STX2: variants seen among roughly 807,000 people sequenced by gnomAD.
STX2 encodes the protein syntaxin-2.
A neutral mutation model predicts 40.6 loss-of-function variants in STX2; 27 were observed. The observed-to-expected ratio is 0.66, with a 90% confidence interval of 0.49 to 0.92. The LOEUF is 0.92. Among genes scored for constraint, STX2 ranks in the 40% least tolerant of loss-of-function variants. STX2 has a pLI of 0.00. For synonymous variants in STX2, 123 were observed against 119.1 expected (o/e 1.03, Z -0.22); for missense variants, 328 against 366.1 (o/e 0.90, Z 0.85).
chr12:130,830,808 A>G (rs888813431), intron 1 of STX2, among the ~76,000 whole-genome samples: 1 of 152,250 alleles, frequency 6.6e-6, no homozygotes. Flanking sequence ...ACAGCTGTAC[A>G]ACAGCCATGA....
At chr12:130,794,625 T>C (rs559263748) in intron 10 of STX2, among the ~76,000 whole-genome samples, 1 of 152,226 alleles carries the variant, frequency 6.6e-6, no homozygotes, top group East Asian at 1.9e-4. Context: ...GCCTCTGGCG[T>C]AGCTGGGACT....
At chr12:130,832,506 T>C (rs1412280933) in intron 1 of STX2, among the ~76,000 whole-genome samples, 2 of 151,710 alleles carry the variant, frequency 1.3e-5, no homozygotes, top group Non-Finnish European at 2.9e-5. Context: ...TCCAAAGCAC[T>C]TGCAATAAAT....
At chr12:130,828,103 A>T (rs1326311723) in intron 1 of STX2, among the ~76,000 whole-genome samples, 3 of 152,242 alleles carry the variant, frequency 2.0e-5, no homozygotes, top group African/African-American at 7.2e-5. Context: ...TCCCATCTCC[A>T]TCAGAAGACC....
intron 10 of STX2, among the ~76,000 whole-genome samples, chr12:130,793,813 G>A (rs937316099): frequency 6.6e-6 from 1 of 152,252 alleles, no homozygotes; most frequent in African/African-American, 2.4e-5. Context: ...GCTAAAGGAT[G>A]AAAGGCTATG....
rs111319404 is a variant in STX2 at position 130,800,719 on chromosome 12, C to T, written c.675+434G>A. Among the ~76,000 whole-genome samples the T allele has an allele frequency of 8.2e-3, 1,250 of 152,346 alleles. 9 individuals are homozygous for T. Among genetic ancestry groups the T allele is most frequent in the Non-Finnish European group, 0.014 (974 of 68,038 alleles). ...CACTGCCATTACACTGTTTGATATA[C>T]GCCTTTCCTTCTGTGGATACTGTTT... On this transcript the variant is annotated intron_variant, in intron 8 of 10. Coordinates refer to ENST00000392373, the MANE Select transcript of STX2 (RefSeq NM_194356.4).
intron 3 of STX2, among the ~76,000 whole-genome samples, chr12:130,818,185 A>AAAAAAAAAAAAAAAAAATAT: frequency 2.8e-5 from 2 of 70,542 alleles, no homozygotes; most frequent in African/African-American, 2.4e-4. Flanking sequence ...AAAAAAAAAA[A>AAAAAAAAAAAAAAAAAATAT]ATATATATAT....
chr12:130,813,102 A>G, intron 3 of STX2, 71 bp from the exon 4 acceptor site: 1 of 972,564 alleles, frequency 1.0e-6, no homozygotes, highest in Non-Finnish European at 1.4e-6. Context: ...ATGATATCCA[A>G]TAAATTTAAG....
At chr12:130,796,941 G>A (rs1400972062) in intron 9 of STX2, among the ~76,000 whole-genome samples, 1 of 152,154 alleles carries the variant, frequency 6.6e-6, no homozygotes, top group African/African-American at 2.4e-5. Flanking sequence ...AATAAATGCA[G>A]GACACTAGGA....
rs73457399 is a variant in STX2 at position 130,830,339 on chromosome 12, C to A, written c.31-3072G>T. Among the ~76,000 whole-genome samples the A allele has an allele frequency of 4.4e-3, 671 of 152,278 alleles. 9 individuals are homozygous for A. The highest frequency in any genetic ancestry group is 0.016 in the African/African-American group (647 of 41,568). On this transcript the variant is annotated intron_variant, in intron 1 of 10. Transcript: ENST00000392373. ...GTCCCATGCTGTGTGATGCACCCCC[C>A]ACAGTGGCGTGGCGTAAACAACCAG...
chr12:130,824,785 A>G (rs905148670), intron 2 of STX2, among the ~76,000 whole-genome samples: 12 of 152,226 alleles, frequency 7.9e-5, no homozygotes, highest in African/African-American at 2.9e-4. Flanking sequence ...ATTACCAAAC[A>G]TTATTTGCTT....
intron 5 of STX2, among the ~76,000 whole-genome samples, chr12:130,808,364 T>G (rs1226062453): frequency 6.6e-6 from 1 of 152,178 alleles, no homozygotes; most frequent in African/African-American, 2.4e-5. Context: ...CTTTAAATAC[T>G]GAAGTCCTCA....
In STX2 at chr12:130,813,160, C is replaced by A. The variant is rs146686393; in HGVS notation, c.206-129G>T. On this transcript the variant is annotated intron_variant, in intron 3 of 10. Transcript: ENST00000392373. ...ATTCACTTTTTTTCTGTAAGAAAAA[C>A]TACCGCTTATACCAGTGGTTCTCAA... 6.8e-4 allele frequency: 386 copies of A among 568,912 alleles called. 10 individuals are homozygous for A. In the East Asian group the frequency reaches 0.014, roughly 20 times the overall value. 35.2% of individuals were successfully genotyped at this position (568,912 alleles called of 1,614,324 possible). A position where few individuals can be genotyped will look rare whatever the true frequency, so the allele number is the denominator to read the frequency against.
At chr12:130,821,848 C>T (rs1375590287) in intron 2 of STX2, 60 bp from the exon 3 acceptor site, 11 of 1,062,902 alleles carry the variant, frequency 1.0e-5, no homozygotes, top group Middle Eastern at 2.0e-4. Context: ...CACTTTTCAT[C>T]CCCTAAAAGG....
Position 130,796,070 on chromosome 12 carries a change from A to T in STX2, c.837T>A (p.Ala279=), listed in dbSNP as rs541170608. ...AVSVVLVAII[A]LIIGLSVGK Reference sequence around the variant, plus strand: ...TGCCAACTGACAAGCCAATAATTAGAGCGATTATGGCAACCAGAACCACTG... The same window carrying T: ...TGCCAACTGACAAGCCAATAATTAGTGCGATTATGGCAACCAGAACCACTG... Residue 279 remains alanine (A), a synonymous_variant, in exon 10 of 11, where the codon GCT becomes GCA. Coordinates refer to ENST00000392373, the MANE Select transcript of STX2 (RefSeq NM_194356.4). The T allele has an allele frequency of 6.2e-7, 1 of 1,614,228 alleles. No individual in the cohort carries two copies. The highest frequency in any genetic ancestry group is 1.3e-5 in the African/African-American group (1 of 75,060).
intron 3 of STX2, among the ~76,000 whole-genome samples, chr12:130,813,995 T>C (rs1016812880): frequency 5.9e-5 from 9 of 152,150 alleles, no homozygotes; most frequent in African/African-American, 2.2e-4. Flanking sequence ...AGATGCCCAC[T>C]CTCTTCCTGA....
chr12:130,825,316 C>A (rs1017774683), intron 2 of STX2, among the ~76,000 whole-genome samples: 7 of 152,220 alleles, frequency 4.6e-5, no homozygotes, highest in African/African-American at 1.2e-4. Flanking sequence ...GGAGCACAGG[C>A]ATGAGCCACT....
intron 1 of STX2, among the ~76,000 whole-genome samples, chr12:130,838,673 CAGTT>C (rs1437319860): frequency 6.6e-6 from 1 of 152,218 alleles, no homozygotes; most frequent in African/African-American, 2.4e-5. Flanking sequence ...GGGCGGACCA[CAGTT>C]AGGCCAGTGG....
intron 2 of STX2, among the ~76,000 whole-genome samples, chr12:130,826,626 TCAAA>T (rs1437777611): frequency 3.9e-5 from 6 of 152,160 alleles, no homozygotes; most frequent in African/African-American, 7.2e-5. Flanking sequence ...CTTACGTAAT[TCAAA>T]CAACAACTTT....
chr12:130,827,317 C>A (rs756487314), intron 1 of STX2, 50 bp from the exon 2 acceptor site: 1 of 1,441,886 alleles, frequency 6.9e-7, no homozygotes, highest in South Asian at 1.1e-5. Context: ...TATGTAGGCA[C>A]AAATAGCGAA....
Sources: gnomAD v4.1 joint callset for allele counts (sites outside exome capture counted in the v4.1 genomes callset) on GRCh38, gnomAD v4.1.1 for gene constraint, MANE v1.5 for transcripts, NCBI Gene and HGNC (gene_info 2026-07-23, HGNC 2026-07-21) for gene names.